Variants in TIA1 observed in about 807,000 individuals in gnomAD.
TIA1 encodes the protein TIA1 cytotoxic granule associated RNA binding protein, also known as cytotoxic granule associated RNA binding protein TIA1.
TIA1 carries 23 observed loss-of-function variants against 65.9 expected under a neutral mutation model. The ratio of observed to expected loss-of-function variants is 0.35; its 90% CI spans 0.25 to 0.49. The LOEUF (loss-of-function observed/expected upper bound fraction) is 0.49, where lower values mean the gene tolerates loss of function less well. TIA1 is among the 20% of genes least tolerant of loss of function. The probability of loss-of-function intolerance (pLI) is 0.98; values close to 1 mark genes in which losing one functional copy is unlikely to be tolerated. For synonymous variants in TIA1, 147 were observed against 149.4 expected, an observed-to-expected ratio of 0.98 and a Z score of 0.12; for missense variants, 371 against 477.9, an observed-to-expected ratio of 0.78 and a Z score of 2.09.
intron 6 of TIA1, chr2:70,224,973 C>T: frequency 5.8e-6 from 6 of 1,031,948 alleles, no homozygotes; most frequent in Non-Finnish European, 5.8e-6. Flanking sequence ...AGATGAATGG[C>T]TTTCTTTAAC....
intron 7 of TIA1, among the ~76,000 whole-genome samples, chr2:70,219,950 CTAATGT>C (rs1680502052): frequency 6.6e-6 from 1 of 152,032 alleles, no homozygotes; most frequent in African/African-American, 2.4e-5. Context: ...AGACGCTTAA[CTAATGT>C]TATGTGTTGA....
intron 1 of TIA1, among the ~76,000 whole-genome samples, chr2:70,242,494 CAAAAAAAAAAAAAAAAAAA>C (rs11380260): frequency 6.0e-5 from 2 of 33,472 alleles, no homozygotes; most frequent in Non-Finnish European, 9.7e-5. Flanking sequence ...GACTCAGTCT[CAAAAAAAAAAAAAAAAAAA>C]AAAAAAAAGG....
chr2:70,230,224 C>G (rs1307488601), intron 3 of TIA1, among the ~76,000 whole-genome samples: 1 of 133,052 alleles, frequency 7.5e-6, no homozygotes, highest in African/African-American at 3.0e-5. Context: ...GCCTGGGCAA[C>G]AGAGAAAGAC....
rs1676336057 is a variant in TIA1, at chr2:70,210,962, G to C, written c.*1757C>G. The stretch of plus-strand genomic sequence containing the variant: ...CTCCAGAGAATTATACACTCGAGCT[G>C]TCTTTCCTGGGCTCTGGTTTATAAG... On this transcript the variant is annotated 3_prime_UTR_variant, in exon 13 of 13. Transcript: ENST00000433529. 1 of 152,194 alleles carries C rather than the reference G, an allele frequency of 6.6e-6. No individual in the cohort carries two copies. Among genetic ancestry groups the C allele is most frequent in the Non-Finnish European group, 1.5e-5 (1 of 68,036 alleles). The allele number at this position is 152,194 out of a possible 1,614,324, so 9.4% of individuals were successfully genotyped here.
intron 7 of TIA1, among the ~76,000 whole-genome samples, chr2:70,219,958 A>G (rs977443869): frequency 6.6e-6 from 1 of 152,124 alleles, no homozygotes; most frequent in Admixed American, 6.6e-5. Flanking sequence ...AACTAATGTT[A>G]TGTGTTGAAT....
At chr2:70,230,950 A>G (rs987808173) in intron 2 of TIA1, 96 bp from the exon 3 acceptor site, 2 of 819,920 alleles carry the variant, frequency 2.4e-6, no homozygotes, top group Non-Finnish European at 3.9e-6. Context: ...AGTTTTATAC[A>G]TCTAAGTTAT....
Position 70,212,839 on chromosome 2 carries a change from T to G in TIA1, c.1041A>C (p.Thr347=). 2 of 1,612,918 alleles carry G rather than the reference T, an allele frequency of 1.2e-6. No homozygotes were observed. The highest frequency in any genetic ancestry group is 1.7e-6 in the Non-Finnish European group (2 of 1,178,922). The stretch of plus-strand genomic sequence containing the variant: ...GTCCCATCCATGGTGCAGAAGACTG[T>G]GTCTGACTGGTGGAGAATGTGAAAG... ...QAWNQQGFNQ[T]QSSAPWMGPN... Residue 347 remains threonine (T), a synonymous_variant, in exon 13 of 13, where the codon ACA becomes ACC. Coordinates refer to ENST00000433529, the MANE Select transcript of TIA1 (RefSeq NM_022173.4).
At chr2:70,242,929 A>G (rs1692562836) in intron 1 of TIA1, among the ~76,000 whole-genome samples, 1 of 152,074 alleles carries the variant, frequency 6.6e-6, no homozygotes, top group Admixed American at 6.6e-5. Context: ...CGGTGCCAAA[A>G]AGGCTGGGGA....
chr2:70,220,648 G>T (rs76617498), intron 7 of TIA1, among the ~76,000 whole-genome samples: 6,680 of 151,960 alleles, frequency 0.044, 473 homozygotes, highest in African/African-American at 0.15. Flanking sequence ...ATAAATTTTT[G>T]TTGCTCTAAG....
intron 1 of TIA1, among the ~76,000 whole-genome samples, chr2:70,243,891 C>T (rs187790186): frequency 1.3e-5 from 2 of 152,320 alleles, no homozygotes; most frequent in Admixed American, 1.3e-4. Flanking sequence ...TTCTCTGATA[C>T]CTGGATTGGC....
At chr2:70,226,943 C>CCTCAT (rs1558832853) in intron 6 of TIA1, among the ~76,000 whole-genome samples, 1 of 152,056 alleles carries the variant, frequency 6.6e-6, no homozygotes. Context: ...TTTCCAGTCT[C>CCTCAT]CTCATCTCAT....
At position 70,248,417 on chromosome 2, in the gene TIA1, A is replaced by G. The variant is rs752954208; in HGVS notation, c.14T>C (p.Met5Thr). MEDE[M>T]PKTLYVGNLS... ...GCCCCAGACTCACAGAGTCTTGGGC[A>G]TCTCGTCCTCCATGGCTGCTGCTGT... The change falls in exon 1 of 13, where the codon ATG becomes ACG. Residue 5 changes from methionine (M) to threonine (T), a missense_variant. Transcript: ENST00000433529. 2 of 1,600,590 alleles carry G rather than the reference A, an allele frequency of 1.2e-6. No individual in the cohort carries two copies. The highest frequency in any genetic ancestry group is 1.7e-6 in the Non-Finnish European group (2 of 1,179,932).
At chr2:70,235,082 C>G (rs1688193688) in intron 2 of TIA1, among the ~76,000 whole-genome samples, 1 of 151,964 alleles carries the variant, frequency 6.6e-6, no homozygotes, top group Non-Finnish European at 1.5e-5. Context: ...AAAGAGAGAC[C>G]ATGGGACAAA....
chr2:70,230,732 C>T, intron 3 of TIA1, 24 bp downstream of exon 3: 1 of 1,536,628 alleles, frequency 6.5e-7, no homozygotes, highest in East Asian at 2.3e-5. Flanking sequence ...GTGCAAGTCA[C>T]CTTCTTTAAT....
At chr2:70,216,011 C>A in intron 10 of TIA1, 197 bp downstream of exon 10, 1 of 544,042 alleles carries the variant, frequency 1.8e-6, no homozygotes, top group Non-Finnish European at 3.2e-6. Flanking sequence ...CTCGGCCTCC[C>A]AAAGTGCTGG....
chr2:70,210,405 G>A lies in TIA1; in HGVS notation c.*2314C>T, dbSNP rs1464501353. 2 of 151,980 alleles carry A rather than the reference G, an allele frequency of 1.3e-5. No homozygotes were observed. The highest frequency in any genetic ancestry group is 1.9e-4 in the East Asian group (1 of 5,202). 9.4% of individuals were successfully genotyped at this position (151,980 alleles called of 1,614,324 possible). A position where few individuals can be genotyped will look rare whatever the true frequency, so the allele number is the denominator to read the frequency against. On this transcript the variant is annotated 3_prime_UTR_variant, in exon 13 of 13. Coordinates refer to ENST00000433529, the MANE Select transcript of TIA1 (RefSeq NM_022173.4). ...ACTAATACCAGTATGATTTTTAGAC[G>A]GAAAAACTAAGAGTAAGATTTAAAC... is the stretch of plus-strand genomic sequence containing the variant.
At chr2:70,235,598 C>T (rs1269632372) in intron 2 of TIA1, among the ~76,000 whole-genome samples, 3 of 149,038 alleles carry the variant, frequency 2.0e-5, no homozygotes, top group Non-Finnish European at 3.0e-5. Flanking sequence ...TACATTGTCT[C>T]ATAAATAGGA....
chr2:70,229,358 T>A, intron 3 of TIA1, 40 bp from the exon 4 acceptor site: 1 of 1,544,662 alleles, frequency 6.5e-7, no homozygotes, highest in Non-Finnish European at 8.8e-7. Context: ...TTCACAAAAA[T>A]AAAGCCCAAA....
At chr2:70,224,402 TAAAC>T in intron 7 of TIA1, 148 bp downstream of exon 7, 1 of 1,126,200 alleles carries the variant, frequency 8.9e-7, no homozygotes, top group Admixed American at 2.5e-5. Flanking sequence ...CAATAAATGT[TAAAC>T]AGACAAAACA....
Sources: allele counts gnomAD v4.1 joint callset (sites outside exome capture counted in the v4.1 genomes callset), GRCh38; gene constraint gnomAD v4.1.1; transcripts MANE v1.5; gene names NCBI Gene and HGNC (gene_info 2026-07-23, HGNC 2026-07-21).